The following ABHD2 variants were observed in gnomAD, a reference collection of about 807,000 sequenced individuals.
The protein encoded by ABHD2 is abhydrolase domain containing 2, acylglycerol lipase, also known as monoacylglycerol lipase ABHD2.
Under a neutral mutation model 48.1 loss-of-function variants are expected in ABHD2, and 20 were observed. The observed-to-expected ratio is 0.42, with a 90% CI of 0.29 to 0.60. ABHD2 has a LOEUF of 0.60. Among genes scored for constraint, ABHD2 ranks in the 20% least tolerant of loss-of-function variants. ABHD2 has a pLI of 0.24. For missense variants in ABHD2, 405 were observed against 550.9 expected (o/e 0.74, Z 2.65); for synonymous variants, 209 against 214.2 (o/e 0.98, Z 0.21).
the ABHD2 span, among the ~76,000 whole-genome samples, chr15:89,071,665 C>G: frequency 6.6e-6 from 1 of 152,184 alleles, no homozygotes; most frequent in Non-Finnish European, 1.5e-5. Context: ...TGGGGTGGAG[C>G]TCACATGTTC....
intron 3 of ABHD2, among the ~76,000 whole-genome samples, chr15:89,133,300 T>G (rs935171919): frequency 1.3e-5 from 2 of 152,224 alleles, no homozygotes; most frequent in East Asian, 3.8e-4. Flanking sequence ...GTCTCCTAGA[T>G]AGAGGTTTCC....
chr15:89,121,998 T>G (rs1035071912), intron 3 of ABHD2, among the ~76,000 whole-genome samples: 1 of 152,166 alleles, frequency 6.6e-6, no homozygotes, highest in African/African-American at 2.4e-5. Flanking sequence ...AGCTAATTTT[T>G]AAAATTTTTT....
In ABHD2 at chr15:89,188,331, G is replaced by A. The variant is rs1049917580; in HGVS notation, c.926+28G>A. 1.1e-5 allele frequency: 17 copies of A among 1,602,284 alleles called. No individual in the cohort carries two copies. The highest frequency in any genetic ancestry group is 1.5e-5 in the Non-Finnish European group (17 of 1,170,170). On this transcript the variant is annotated intron_variant, in intron 8 of 10. Transcript: ENST00000352732. This position sits in a 1 kb window ranked among gnomAD's most constrained non-coding sequence, Gnocchi z 4.1. ...GTGTCCGCGCAGGCGGGAGAGGGAC[G>A]CTCTGGGGCAGGGTGCCAGGCAGGA...
intron 1 of ABHD2, among the ~76,000 whole-genome samples, chr15:89,113,204 A>G (rs1043950592): frequency 3.3e-5 from 5 of 152,152 alleles, no homozygotes; most frequent in Middle Eastern, 3.2e-3. Context: ...AAGCAATGCA[A>G]TCCCCTACCT....
In ABHD2 at chr15:89,134,473, T is replaced by A. The variant is rs892189976; in HGVS notation, c.195-17204T>A. Among the ~76,000 whole-genome samples, 4 of 152,188 alleles carry A rather than the reference T, an allele frequency of 2.6e-5. No homozygotes were observed. The East Asian group carries it at 5.8e-4, about 22-fold the overall frequency. ...GATGTATTTAGGCATATTTCCAGTCTTTTGTGTTCTGTTGATGGTCCTGAA... is the reference window on the plus strand; with the variant it reads ...GATGTATTTAGGCATATTTCCAGTCATTTGTGTTCTGTTGATGGTCCTGAA... On this transcript the variant is annotated intron_variant, in intron 3 of 10. Transcript: ENST00000352732.
chr15:89,193,289 A>G lies in ABHD2; in HGVS notation c.1051A>G (p.Ser351Gly). 1 of 1,614,236 alleles carries G rather than the reference A, an allele frequency of 6.2e-7. No individual in the cohort carries two copies. The highest frequency in any genetic ancestry group is 8.5e-7 in the Non-Finnish European group (1 of 1,180,032). The part of the protein sequence containing the change: ...NAADDPLVHE[S>G]LLTIPKSLSE... Reference sequence around the variant, plus strand: ...AGCTGACGATCCGTTGGTGCATGAAAGTCTTCTAACCATTCCAAAATCTCT... The same window carrying G: ...AGCTGACGATCCGTTGGTGCATGAAGGTCTTCTAACCATTCCAAAATCTCT... Residue 351 changes from serine (S) to glycine (G), a missense_variant, in exon 10 of 11, where the codon AGT becomes GGT. Ser to Gly is a moderately conservative substitution (Grantham distance 56). Transcript: ENST00000352732.
chr15:89,041,375 A>G, the ABHD2 span: 1 of 152,198 alleles, frequency 6.6e-6, no homozygotes, highest in African/African-American at 2.4e-5. Context: ...TTTTCTTCTG[A>G]GTTTCGGATT....
chr15:89,175,767 G>A lies in ABHD2; in HGVS notation c.539-45G>A, dbSNP rs771290659. 6.2e-7 allele frequency: 1 copy of A among 1,609,022 alleles called. No homozygotes were observed. Among genetic ancestry groups the A allele is most frequent in the Non-Finnish European group, 8.5e-7 (1 of 1,176,934 alleles). On this transcript the variant is annotated intron_variant, in intron 5 of 10. Transcript: ENST00000352732. The surrounding 1 kb of genome is among the most constrained non-coding windows in gnomAD (Gnocchi z 5.7). ...TTCCAGCTTGCATTTTCTCCAGATA[G>A]GATGCACCTGAAATGATTGAGCAAT... is the stretch of plus-strand genomic sequence containing the variant.
chr15:89,135,713 T>G (rs1017982777), intron 3 of ABHD2: 48 of 1,355,318 alleles, frequency 3.5e-5, no homozygotes, highest in South Asian at 3.5e-4. Context: ...TTCTTACTTT[T>G]CCTTCAGCTT....
intron 5 of ABHD2, among the ~76,000 whole-genome samples, chr15:89,161,887 C>T (rs1000379745): frequency 1.3e-5 from 2 of 152,194 alleles, no homozygotes; most frequent in African/African-American, 4.8e-5. Flanking sequence ...GTTCTGGGGC[C>T]TAGAAGTCCC....
At chr15:89,082,178 G>A in the ABHD2 span, among the ~76,000 whole-genome samples, 2 of 152,078 alleles carry the variant, frequency 1.3e-5, no homozygotes, top group South Asian at 2.1e-4. The surrounding 1 kb of genome is among the most constrained non-coding windows in gnomAD (Gnocchi z 4.4). Context: ...TTTAGGATGG[G>A]GCTGAATAAG....
Position 89,151,594 on chromosome 15 carries a change from G to A in ABHD2, c.195-83G>A, listed in dbSNP as rs979485299. 8 of 1,468,064 alleles carry A rather than the reference G, an allele frequency of 5.4e-6. No individual in the cohort carries two copies. The highest frequency in any genetic ancestry group is 2.1e-5 in the Admixed American group (1 of 47,920). The allele number at this position is 1,468,064 out of a possible 1,614,324, so 90.9% of individuals were successfully genotyped here. On this transcript the variant is annotated intron_variant, in intron 3 of 10. Coordinates refer to ENST00000352732, the MANE Select transcript of ABHD2 (RefSeq NM_152924.5). The surrounding 1 kb of genome is among the most constrained non-coding windows in gnomAD (Gnocchi z 4.7). ...CAGAATTTCCCTGGAACAAAAATAG[G>A]TTGAAAGAGTTTTGCTAAAAGATTT... is the stretch of plus-strand genomic sequence containing the variant.
At chr15:89,169,617 C>T (rs901239847) in intron 5 of ABHD2, among the ~76,000 whole-genome samples, 1 of 152,144 alleles carries the variant, frequency 6.6e-6, no homozygotes, top group Non-Finnish European at 1.5e-5. Flanking sequence ...TATTTAATAA[C>T]AATTTAAAAT....
chr15:89,139,714 T>TC (rs2050372740), intron 3 of ABHD2, among the ~76,000 whole-genome samples: 1 of 152,216 alleles, frequency 6.6e-6, no homozygotes, highest in Non-Finnish European at 1.5e-5. Flanking sequence ...CACCTTTTTT[T>TC]CTCAGTGGAC....
chr15:89,186,819 C>T lies in ABHD2; in HGVS notation c.815+1303C>T, dbSNP rs2051218365. Among the ~76,000 whole-genome samples the T allele has an allele frequency of 6.6e-6, 1 of 152,214 alleles. No individual in the cohort carries two copies. The highest frequency in any genetic ancestry group is 2.1e-4 in the South Asian group (1 of 4,832). On this transcript the variant is annotated intron_variant, in intron 7 of 10. Coordinates refer to ENST00000352732, the MANE Select transcript of ABHD2 (RefSeq NM_152924.5). The surrounding 1 kb of genome is among the most constrained non-coding windows in gnomAD (Gnocchi z 4.3). The stretch of plus-strand genomic sequence containing the variant: ...TCTTTTTTCCAGTGGCTAAAGCAGA[C>T]CACACACCCCAGATTGGGCTTCCTA...
At chr15:89,044,761 T>C in the ABHD2 span, among the ~76,000 whole-genome samples, 808 of 152,320 alleles carry the variant, frequency 5.3e-3, 9 homozygotes, top group African/African-American at 0.019. Context: ...GTTTGTTTTT[T>C]TCTTGTAAAT....
At chr15:89,105,265 A>T (rs2049766276) in intron 1 of ABHD2, among the ~76,000 whole-genome samples, 4 of 152,208 alleles carry the variant, frequency 2.6e-5, no homozygotes, top group Non-Finnish European at 4.4e-5. Context: ...GTTCCTGTTT[A>T]ACTGGTGACT....
At chr15:89,065,434 C>T in the ABHD2 span, among the ~76,000 whole-genome samples, 1 of 152,126 alleles carries the variant, frequency 6.6e-6, no homozygotes, top group African/African-American at 2.4e-5. Flanking sequence ...AGGTCCTGAC[C>T]TCTGGTGTAT....
the ABHD2 span, among the ~76,000 whole-genome samples, chr15:89,043,585 GGAA>G: frequency 2.3e-4 from 33 of 145,814 alleles, no homozygotes; most frequent in African/African-American, 8.1e-4. Context: ...AAGAAGAAGA[GGAA>G]GAAGGAGGAG....
Sources: gnomAD v4.1 joint callset for allele counts (sites outside exome capture counted in the v4.1 genomes callset) on GRCh38, gnomAD v4.1.1 for gene constraint, Gnocchi (gnomAD v3.1) non-coding constraint, MANE v1.5 for transcripts, NCBI Gene and HGNC (gene_info 2026-07-23, HGNC 2026-07-21) for gene names.